The following SATB2 variants were observed in gnomAD, a reference collection of about 807,000 sequenced individuals.
SATB2 encodes the protein DNA-binding protein SATB2.
SATB2 carries 1 observed loss-of-function variant against 73.4 expected under a neutral mutation model. That is an observed-to-expected ratio of 0.01 (90% CI 0.00 to 0.06). The LOEUF (loss-of-function observed/expected upper bound fraction) is 0.06, where lower values mean the gene tolerates loss of function less well. Ranked by LOEUF, SATB2 falls within the 10% of genes least tolerant of loss-of-function variation. The pLI, the probability that SATB2 is intolerant of heterozygous loss-of-function variation, is 1.00. For synonymous variants in SATB2, 397 were observed against 367.0 expected (o/e 1.08, Z -0.93); for missense variants, 459 against 945.8 (o/e 0.49, Z 6.75).
In SATB2 at chr2:199,455,102, T is replaced by C. The variant is rs1692234929; in HGVS notation, c.169+767A>G. Among the ~76,000 whole-genome samples the C allele has an allele frequency of 6.6e-6, 1 of 152,240 alleles. No homozygotes were observed. Among genetic ancestry groups the C allele is most frequent in the Admixed American group, 6.5e-5 (1 of 15,282 alleles). ...AATGTTTAAATTTCTCCCATATCTT[T>C]ATTTTGTATGATTGCTTTTCCTGAC... On this transcript the variant is annotated intron_variant, in intron 2 of 10. Transcript: ENST00000417098. The surrounding 1 kb of genome is among the most constrained non-coding windows in gnomAD (Gnocchi z 4.1).
At chr2:199,312,617 C>T (rs1574495423) in intron 9 of SATB2, among the ~76,000 whole-genome samples, 3 of 152,274 alleles carry the variant, frequency 2.0e-5, no homozygotes, top group East Asian at 3.9e-4. Flanking sequence ...AAGATGGTCT[C>T]TAAGTTCCTC....
chr2:199,362,878 G>A (rs1432870675), intron 6 of SATB2, among the ~76,000 whole-genome samples: 2 of 151,996 alleles, frequency 1.3e-5, no homozygotes, highest in Non-Finnish European at 2.9e-5. Flanking sequence ...AGCAGGGAGG[G>A]GCGTAAGGAA....
chr2:199,395,648 T>G (rs1690278844), intron 3 of SATB2, among the ~76,000 whole-genome samples: 1 of 152,224 alleles, frequency 6.6e-6, no homozygotes, highest in Non-Finnish European at 1.5e-5. Flanking sequence ...GATTATAAAT[T>G]TCTTCCCCAA....
chr2:199,413,039 T>A (rs541074674), intron 3 of SATB2, among the ~76,000 whole-genome samples: 1 of 152,306 alleles, frequency 6.6e-6, no homozygotes, highest in Non-Finnish European at 1.5e-5. Context: ...ATTACAGAAT[T>A]TTTTTTAGCT....
At chr2:199,338,029 G>A (rs952336138) in intron 7 of SATB2, among the ~76,000 whole-genome samples, 3 of 151,968 alleles carry the variant, frequency 2.0e-5, no homozygotes, top group Non-Finnish European at 2.9e-5. Context: ...AGAATTTCGG[G>A]AGACTAGTTA....
At chr2:199,394,158 A>G (rs1690232061) in intron 3 of SATB2, among the ~76,000 whole-genome samples, 1 of 152,242 alleles carries the variant, frequency 6.6e-6, no homozygotes, top group Non-Finnish European at 1.5e-5. Context: ...ACCCAATAGA[A>G]TAGTTTATAT....
chr2:199,369,718 A>G (rs1231934957), intron 5 of SATB2, among the ~76,000 whole-genome samples: 1 of 152,202 alleles, frequency 6.6e-6, no homozygotes, highest in Non-Finnish European at 1.5e-5. Context: ...AGAACTTCTA[A>G]CGACATTTCT....
intron 2 of SATB2, among the ~76,000 whole-genome samples, chr2:199,444,420 C>A (rs1691907097): frequency 6.6e-6 from 1 of 152,094 alleles, no homozygotes; most frequent in South Asian, 2.1e-4. Context: ...AAGACTACTG[C>A]AGCATTTTAA....
intron 2 of SATB2, among the ~76,000 whole-genome samples, chr2:199,433,817 C>G (rs1306381986): frequency 6.6e-6 from 1 of 152,040 alleles, no homozygotes; most frequent in Non-Finnish European, 1.5e-5. Context: ...CTTTTAATGT[C>G]TATAGTTTTA....
At chr2:199,442,598 G>C (rs905632673) in intron 2 of SATB2, among the ~76,000 whole-genome samples, 1 of 152,102 alleles carries the variant, frequency 6.6e-6, no homozygotes, top group Non-Finnish European at 1.5e-5. Context: ...AAGGACAAAA[G>C]AGCCGGGCAC....
chr2:199,425,613 A>G (rs1691304241), intron 3 of SATB2, among the ~76,000 whole-genome samples: 1 of 152,134 alleles, frequency 6.6e-6, no homozygotes, highest in African/African-American at 2.4e-5. Context: ...CCGAAAATCA[A>G]GTTAGAGTCT....
chr2:199,423,545 G>T (rs1481143110), intron 3 of SATB2: 1 of 151,890 alleles, frequency 6.6e-6, no homozygotes, highest in Admixed American at 6.6e-5. Context: ...TGCATGGAAA[G>T]ATTTTTTTCA....
chr2:199,422,871 AG>A (rs1167026652), intron 3 of SATB2, among the ~76,000 whole-genome samples: 1 of 152,170 alleles, frequency 6.6e-6, no homozygotes, highest in Non-Finnish European at 1.5e-5. Flanking sequence ...ATTATGTAAA[AG>A]CTTCAATTTC....
chr2:199,436,730 G>A (rs888999318), intron 2 of SATB2, among the ~76,000 whole-genome samples: 3 of 151,976 alleles, frequency 2.0e-5, no homozygotes, highest in Admixed American at 6.6e-5. Flanking sequence ...TAGTATCATT[G>A]AGGTCAAGTG....
chr2:199,390,308 T>C (rs1443472015), intron 3 of SATB2, among the ~76,000 whole-genome samples: 1 of 152,100 alleles, frequency 6.6e-6, no homozygotes, highest in Non-Finnish European at 1.5e-5. Context: ...ATAAGACAAA[T>C]GAGAAAGAAA....
At chr2:199,416,465 T>C (rs1460379660) in intron 3 of SATB2, among the ~76,000 whole-genome samples, 4 of 152,170 alleles carry the variant, frequency 2.6e-5, no homozygotes, top group Non-Finnish European at 5.9e-5. Context: ...ACACATCTAC[T>C]AGTTGGCAGG....
intron 6 of SATB2, among the ~76,000 whole-genome samples, chr2:199,351,698 T>A (rs1341339322): frequency 6.6e-6 from 1 of 152,184 alleles, no homozygotes; most frequent in Non-Finnish European, 1.5e-5. Flanking sequence ...GACCATGAAC[T>A]GATTCCACAG....
intron 6 of SATB2, among the ~76,000 whole-genome samples, chr2:199,365,055 T>G (rs1420724372): frequency 6.6e-6 from 1 of 152,030 alleles, no homozygotes; most frequent in African/African-American, 2.4e-5. Flanking sequence ...AGGAAAAAAC[T>G]ACTTGGGTAA....
rs1692255154 is a variant in SATB2, at chr2:199,455,815, C to T, written c.169+54G>A. ...CCTAATCAACCTGAACCCTGACACC[C>T]GGGCCATTATCACTGGGCCGCGGGC... is the stretch of plus-strand genomic sequence containing the variant. On this transcript the variant is annotated intron_variant, in intron 2 of 10. Coordinates refer to ENST00000417098, the MANE Select transcript of SATB2 (RefSeq NM_001172509.2). The surrounding 1 kb of genome is among the most constrained non-coding windows in gnomAD (Gnocchi z 4.1). 1.3e-6 allele frequency: 2 copies of T among 1,522,474 alleles called. No individual in the cohort carries two copies. The highest frequency in any genetic ancestry group is 1.8e-6 in the Non-Finnish European group (2 of 1,136,172). The allele number at this position is 1,522,474 out of a possible 1,614,324, so 94.3% of individuals were successfully genotyped here.
Sources: allele counts gnomAD v4.1 joint callset (sites outside exome capture counted in the v4.1 genomes callset), GRCh38; gene constraint gnomAD v4.1.1; non-coding constraint Gnocchi (gnomAD v3.1); transcripts MANE v1.5; gene names NCBI Gene and HGNC (gene_info 2026-07-23, HGNC 2026-07-21).